The following PARD3B variants were observed in gnomAD, a reference collection of about 807,000 sequenced individuals.
PARD3B encodes partitioning defective 3 homolog B.
In PARD3B, 103 loss-of-function variants were observed where a neutral mutation model predicts 130.2. That is an observed-to-expected ratio of 0.79 (90% CI 0.67 to 0.93). PARD3B has a LOEUF of 0.93. PARD3B is among the 40% of genes least tolerant of loss of function. The pLI is 0.00. For synonymous variants in PARD3B, 583 were observed against 553.2 expected (o/e 1.05, Z -0.76); for missense variants, 1,609 against 1,499.2 (o/e 1.07, Z -1.21).
chr2:205,256,994 C>T, intron 16 of PARD3B, among the ~76,000 whole-genome samples: 1 of 152,020 alleles, frequency 6.6e-6, no homozygotes, highest in Non-Finnish European at 1.5e-5. Flanking sequence ...TCCTAGAGGG[C>T]AAAAACTTAG....
intron 16 of PARD3B, among the ~76,000 whole-genome samples, chr2:205,250,206 T>A (rs2039779078): frequency 6.6e-6 from 1 of 151,950 alleles, no homozygotes; most frequent in Non-Finnish European, 1.5e-5. Flanking sequence ...AAAGGGCTTA[T>A]AAATTTTACT....
chr2:205,023,499 T>C (rs1293477143), intron 3 of PARD3B, among the ~76,000 whole-genome samples: 1 of 148,258 alleles, frequency 6.7e-6, no homozygotes, highest in Non-Finnish European at 1.5e-5. Flanking sequence ...TTTTTAAATG[T>C]ATGTATTTAT....
chr2:204,991,982 T>C (rs1367313051), intron 3 of PARD3B, among the ~76,000 whole-genome samples: 1 of 151,992 alleles, frequency 6.6e-6, no homozygotes, highest in Non-Finnish European at 1.5e-5. Context: ...TATTAGCCCT[T>C]TGTCAGATGA....
At chr2:204,642,061 G>T (rs527820374) in intron 1 of PARD3B, among the ~76,000 whole-genome samples, 1 of 152,170 alleles carries the variant, frequency 6.6e-6, no homozygotes, top group Non-Finnish European at 1.5e-5. Flanking sequence ...AAATTAAGTT[G>T]GTTCTAACAT....
At chr2:205,438,104 T>C (rs2047581283) in intron 19 of PARD3B, among the ~76,000 whole-genome samples, 1 of 151,776 alleles carries the variant, frequency 6.6e-6, no homozygotes, top group Non-Finnish European at 1.5e-5. Context: ...GAAATTACTA[T>C]TTTACCTGTT....
At chr2:204,996,501 A>C (rs1368561077) in intron 3 of PARD3B, among the ~76,000 whole-genome samples, 4 of 152,128 alleles carry the variant, frequency 2.6e-5, no homozygotes, top group Non-Finnish European at 4.4e-5. Flanking sequence ...AGACAGGGCC[A>C]TTTAAGTCTG....
intron 2 of PARD3B, among the ~76,000 whole-genome samples, chr2:204,902,884 T>C (rs1214296375): frequency 2.0e-5 from 3 of 152,168 alleles, no homozygotes; most frequent in Non-Finnish European, 4.4e-5. Context: ...GTGCATCTAG[T>C]TTTATGGGTA....
At chr2:205,368,030 C>T (rs1038563385) in intron 18 of PARD3B, among the ~76,000 whole-genome samples, 1 of 152,194 alleles carries the variant, frequency 6.6e-6, no homozygotes, top group East Asian at 1.9e-4. Context: ...AAATGTTCAA[C>T]ACTCTGGGAT....
intron 18 of PARD3B, among the ~76,000 whole-genome samples, chr2:205,380,198 A>G (rs2045272692): frequency 8.4e-6 from 1 of 118,598 alleles, no homozygotes; most frequent in Non-Finnish European, 1.6e-5. Flanking sequence ...TATATATTAT[A>G]TAATATGTAA....
intron 2 of PARD3B, among the ~76,000 whole-genome samples, chr2:204,714,260 C>T (rs78230647): frequency 0.041 from 6,287 of 152,186 alleles, 352 homozygotes; most frequent in East Asian, 0.14. Context: ...TGTAACCCTG[C>T]AAAATAACAT....
intron 22 of PARD3B, among the ~76,000 whole-genome samples, chr2:205,554,946 G>T (rs2052812252): frequency 6.6e-6 from 1 of 152,124 alleles, no homozygotes; most frequent in South Asian, 2.1e-4. Context: ...GGGAGGTGCA[G>T]TCCTGGAACC....
intron 2 of PARD3B, among the ~76,000 whole-genome samples, chr2:204,880,916 T>C (rs2046022545): frequency 6.6e-6 from 1 of 152,176 alleles, no homozygotes; most frequent in South Asian, 2.1e-4. Flanking sequence ...ATATGTCTCT[T>C]GGCATCTTGA....
chr2:204,749,092 C>T (rs2040359625), intron 2 of PARD3B, among the ~76,000 whole-genome samples: 2 of 151,860 alleles, frequency 1.3e-5, no homozygotes, highest in Admixed American at 1.3e-4. Flanking sequence ...TTTTGTCCCC[C>T]TAACACCCCC....
chr2:204,666,631 G>A (rs1007637496), intron 1 of PARD3B, among the ~76,000 whole-genome samples: 7 of 152,056 alleles, frequency 4.6e-5, no homozygotes, highest in African/African-American at 1.4e-4. Context: ...TTTGTCGATG[G>A]ATATCATAAG....
chr2:204,586,250 C>G (rs1197693956), intron 1 of PARD3B, among the ~76,000 whole-genome samples: 1 of 152,166 alleles, frequency 6.6e-6, no homozygotes, highest in Non-Finnish European at 1.5e-5. Flanking sequence ...ATTGAGATAG[C>G]AAAGGGATTC....
intron 16 of PARD3B, among the ~76,000 whole-genome samples, chr2:205,252,529 C>G (rs1388110027): frequency 6.6e-6 from 1 of 151,978 alleles, no homozygotes; most frequent in Non-Finnish European, 1.5e-5. Flanking sequence ...GATCTGAAAG[C>G]AAAATAGAAA....
intron 2 of PARD3B, among the ~76,000 whole-genome samples, chr2:204,766,975 T>TC (rs2041185390): frequency 7.7e-6 from 1 of 129,560 alleles, no homozygotes; most frequent in Non-Finnish European, 1.6e-5. Context: ...CTTTTTTTTT[T>TC]TTTTTCACAT....
At position 205,431,219 on chromosome 2, in the gene PARD3B, G is replaced by A. The variant is rs1018343030; in HGVS notation, c.2742-9151G>A. Among the ~76,000 whole-genome samples, 5 of 152,148 alleles carry A rather than the reference G, an allele frequency of 3.3e-5. No homozygotes were observed. In the South Asian group the frequency reaches 6.2e-4, roughly 19 times the overall value. On this transcript the variant is annotated intron_variant, in intron 19 of 22. Coordinates refer to ENST00000406610, the MANE Select transcript of PARD3B (RefSeq NM_001302769.2). ...AGCCTCCCAAGTAGCTGGGATTATA[G>A]GCATGTGCCACCACACCCTGCTAAT... is the stretch of plus-strand genomic sequence containing the variant.
chr2:204,987,059 G>C (rs1205868334), intron 3 of PARD3B, among the ~76,000 whole-genome samples: 1 of 152,112 alleles, frequency 6.6e-6, no homozygotes, highest in East Asian at 1.9e-4. Context: ...TATTGGTTTG[G>C]TGTATTAAAT....
Sources: allele counts gnomAD v4.1 joint callset (sites outside exome capture counted in the v4.1 genomes callset), GRCh38; gene constraint gnomAD v4.1.1; transcripts MANE v1.5; gene names NCBI Gene and HGNC (gene_info 2026-07-23, HGNC 2026-07-21).